The following SLC22A5 variants were observed in gnomAD, a reference collection of about 807,000 sequenced individuals.
SLC22A5 encodes the protein solute carrier family 22 member 5, also known as organic cation/carnitine transporter 2.
A neutral mutation model predicts 56.7 loss-of-function variants in SLC22A5; 44 were observed. That is an observed-to-expected ratio of 0.78 (90% CI 0.61 to 1.00). The LOEUF is 1.00. Among genes scored for constraint, SLC22A5 ranks in the 50% least tolerant of loss-of-function variants. SLC22A5 has a pLI of 0.00. For synonymous variants in SLC22A5, 278 were observed against 292.1 expected, an observed-to-expected ratio of 0.95 and a Z score of 0.49; for missense variants, 675 against 723.0, an observed-to-expected ratio of 0.93 and a Z score of 0.76.
intron 1 of SLC22A5, chr5:132,378,034 C>G: frequency 6.9e-7 from 1 of 1,456,918 alleles, no homozygotes; most frequent in Non-Finnish European, 9.1e-7. Flanking sequence ...GCGAGGGTGC[C>G]CTGCCTCTTC....
intron 2 of SLC22A5, chr5:132,383,225 T>G (rs1284092491): frequency 6.6e-6 from 1 of 152,334 alleles, no homozygotes; most frequent in Non-Finnish European, 1.5e-5. Context: ...AATCACTTCC[T>G]TGTGAGTTTT....
At position 132,394,508 on chromosome 5, in the gene SLC22A5, C is replaced by T. The variant is rs1752815011; in HGVS notation, c.*236C>T. On this transcript the variant is annotated 3_prime_UTR_variant, in exon 10 of 10. Transcript: ENST00000245407. ...ACAGACAACTTCATCTAAGTCCTAA[C>T]TATTACAATGATGGACTCAGCACCT... 4 of 579,060 alleles carry T rather than the reference C, an allele frequency of 6.9e-6. No homozygotes were observed. The East Asian group carries it at 1.2e-4, about 17-fold the overall frequency. The allele number at this position is 579,060 out of a possible 1,614,324, so 35.9% of individuals were successfully genotyped here.
At position 132,369,909 on chromosome 5, in the gene SLC22A5, G is replaced by C. The variant is rs1751816937; in HGVS notation, c.-64G>C. ...CTGGTCGGCGGCGGGTGCCCCGCGC[G>C]CACGCGCAAAGCCCGCCGCGTTCCC... On this transcript the variant is annotated 5_prime_UTR_variant, in exon 1 of 10. Transcript: ENST00000245407. 6.3e-7 allele frequency: 1 copy of C among 1,586,058 alleles called. No homozygotes were observed. The highest frequency in any genetic ancestry group is 1.4e-5 in the African/African-American group (1 of 74,072).
chr5:132,394,263 A>G lies in SLC22A5; in HGVS notation c.1665A>G (p.Thr555=). ...GQERPTILKS[T]AF is the part of the protein sequence containing the mutation. The stretch of plus-strand genomic sequence containing the variant: ...AAAGGCCCACAATCCTTAAAAGCAC[A>G]GCCTTCTAACATCGCTTCCAGTAAG... Residue 555 remains threonine (T), a synonymous_variant, in exon 10 of 10, where the codon ACA becomes ACG. Coordinates refer to ENST00000245407, the MANE Select transcript of SLC22A5 (RefSeq NM_003060.4). 2 of 1,608,696 alleles carry G rather than the reference A, an allele frequency of 1.2e-6. No homozygotes were observed. Among genetic ancestry groups the G allele is most frequent in the Non-Finnish European group, 8.5e-7 (1 of 1,174,938 alleles).
rs1314214567 is a variant in SLC22A5, at chr5:132,387,170, T to C, written c.951+19T>C. The stretch of plus-strand genomic sequence containing the variant: ...GAGTGAGGTAAGCACCATGTGGGTG[T>C]GGGTGAGAGGGACAGACTGACCGTG... On this transcript the variant is annotated intron_variant, in intron 5 of 9. Coordinates refer to ENST00000245407, the MANE Select transcript of SLC22A5 (RefSeq NM_003060.4). 2 of 1,613,900 alleles carry C rather than the reference T, an allele frequency of 1.2e-6. No homozygotes were observed. Among genetic ancestry groups the C allele is most frequent in the Non-Finnish European group, 8.5e-7 (1 of 1,179,944 alleles).
chr5:132,391,130 T>C (rs1752686382), intron 7 of SLC22A5, among the ~76,000 whole-genome samples: 1 of 152,220 alleles, frequency 6.6e-6, no homozygotes, highest in African/African-American at 2.4e-5. Flanking sequence ...TTGGTTAATT[T>C]TACTCTGTAC....
At chr5:132,394,121 G>A in intron 9 of SLC22A5, 64 bp from the exon 10 acceptor site, 2 of 1,075,416 alleles carry the variant, frequency 1.9e-6, no homozygotes, top group South Asian at 2.5e-5. Flanking sequence ...GTTCTTGTTT[G>A]TTTGGAGACT....
intron 3 of SLC22A5, 124 bp from the exon 4 acceptor site, chr5:132,385,204 C>A: frequency 2.2e-6 from 2 of 902,034 alleles, no homozygotes; most frequent in Non-Finnish European, 3.7e-6. Context: ...CGCTCCCTAG[C>A]GCCATGAACT....
At chr5:132,372,619 G>A (rs1190045393) in intron 1 of SLC22A5, among the ~76,000 whole-genome samples, 1 of 152,178 alleles carries the variant, frequency 6.6e-6, no homozygotes, top group Non-Finnish European at 1.5e-5. Flanking sequence ...TGTCTTAGCA[G>A]TTTCAAAGGA....
intron 1 of SLC22A5, among the ~76,000 whole-genome samples, chr5:132,372,212 C>A (rs1217662132): frequency 6.6e-6 from 1 of 152,178 alleles, no homozygotes; most frequent in African/African-American, 2.4e-5. Flanking sequence ...TCAGTTGCCA[C>A]AAATCCTGGG....
At chr5:132,372,443 G>T (rs150666263) in intron 1 of SLC22A5, among the ~76,000 whole-genome samples, 1 of 152,144 alleles carries the variant, frequency 6.6e-6, no homozygotes, top group Admixed American at 6.6e-5. Flanking sequence ...AGGGTTCCCC[G>T]GCTTACTCTA....
intron 7 of SLC22A5, among the ~76,000 whole-genome samples, chr5:132,391,266 T>C (rs1186192575): frequency 6.6e-6 from 1 of 152,156 alleles, no homozygotes; most frequent in Admixed American, 6.5e-5. Flanking sequence ...ATGCCTACCA[T>C]GGGCTGGGCA....
Position 132,370,074 on chromosome 5 carries a change from C to T in SLC22A5, c.102C>T (p.Phe34=). Residue 34 remains phenylalanine, a synonymous_variant, in exon 1 of 10, where the codon TTC becomes TTT. Coordinates refer to ENST00000245407, the MANE Select transcript of SLC22A5 (RefSeq NM_003060.4). ...LLSASIIPNG[F]TGLSSVFLIA... is the part of the protein sequence containing the mutation. ...GCGCCAGCATCATCCCCAATGGCTT[C>T]ACCGGCCTGTCCTCCGTGTTCCTGA... The T allele has an allele frequency of 6.2e-7, 1 of 1,613,090 alleles. No individual in the cohort carries two copies.
intron 1 of SLC22A5, among the ~76,000 whole-genome samples, chr5:132,375,082 T>A (rs1306198949): frequency 6.6e-6 from 1 of 152,146 alleles, no homozygotes; most frequent in Non-Finnish European, 1.5e-5. Context: ...TTCTGGAGAT[T>A]GAAGTTCAGG....
intron 6 of SLC22A5, chr5:132,389,898 G>A (rs1309278082): frequency 6.5e-6 from 1 of 154,442 alleles, no homozygotes; most frequent in Non-Finnish European, 1.4e-5. Flanking sequence ...CCACTTTTGT[G>A]TTCACCCAGG....
rs370645111 is a variant in SLC22A5 at position 132,384,139 on chromosome 5, C to T, written c.498-8C>T. 9.9e-6 allele frequency: 16 copies of T among 1,614,204 alleles called. No individual in the cohort carries two copies. The African/African-American group carries it at 1.2e-4, about 12-fold the overall frequency. On this transcript the variant is annotated splice_polypyrimidine_tract_variant and splice_region_variant and intron_variant, in intron 2 of 9. Coordinates refer to ENST00000245407, the MANE Select transcript of SLC22A5 (RefSeq NM_003060.4). The stretch of plus-strand genomic sequence containing the variant: ...GCTGGTTATCTGTCACTCTCCTTTT[C>T]TTCCCAGGTTTGGCCGGAAGAATGT...
At chr5:132,374,013 C>A (rs1025043851) in intron 1 of SLC22A5, among the ~76,000 whole-genome samples, 1 of 151,984 alleles carries the variant, frequency 6.6e-6, no homozygotes, top group Non-Finnish European at 1.5e-5. Context: ...GGCAGGAGTT[C>A]GAGACCAGCC....
intron 4 of SLC22A5, among the ~76,000 whole-genome samples, chr5:132,385,725 A>G (rs1752504942): frequency 6.6e-6 from 1 of 152,288 alleles, no homozygotes; most frequent in South Asian, 2.1e-4. Context: ...GGTTGCCCCA[A>G]GTGTGGGGAA....
At chr5:132,390,952 ACTGT>A in intron 7 of SLC22A5, 48 bp downstream of exon 7, 1 of 1,423,328 alleles carries the variant, frequency 7.0e-7, no homozygotes, top group African/African-American at 1.4e-5. Flanking sequence ...TGAGTCTCTT[ACTGT>A]CTACCAGGCT....
Sources: gnomAD v4.1 joint callset for allele counts (sites outside exome capture counted in the v4.1 genomes callset) on GRCh38, gnomAD v4.1.1 for gene constraint, MANE v1.5 for transcripts, NCBI Gene and HGNC (gene_info 2026-07-23, HGNC 2026-07-21) for gene names.